Variants in TMEM260 observed in about 807,000 individuals in gnomAD.
TMEM260 encodes the protein transmembrane protein 260, also known as protein O-mannosyl-transferase TMEM260.
In TMEM260, 82 loss-of-function variants were observed where a neutral mutation model predicts 88.9. The observed-to-expected ratio is 0.92, with a 90% CI of 0.77 to 1.11. The LOEUF (loss-of-function observed/expected upper bound fraction) is 1.11, where lower values mean the gene tolerates loss of function less well. TMEM260 is among the 50% of genes least tolerant of loss of function. TMEM260 has a pLI of 0.00. For synonymous variants in TMEM260, 314 were observed against 309.3 expected, an observed-to-expected ratio of 1.02 and a Z score of -0.16; for missense variants, 902 against 853.4, an observed-to-expected ratio of 1.06 and a Z score of -0.71.
At chr14:56,617,095 A>C in intron 8 of TMEM260, 88 bp from the exon 9 acceptor site, 1 of 736,584 alleles carries the variant, frequency 1.4e-6, no homozygotes, top group Non-Finnish European at 2.0e-6. Context: ...GAAAGTTTTT[A>C]TAGATCTAAT....
At chr14:56,603,790 G>C in intron 3 of TMEM260, 25 bp from the exon 4 acceptor site, 1 of 1,613,234 alleles carries the variant, frequency 6.2e-7, no homozygotes, top group Non-Finnish European at 8.5e-7. Context: ...TGGAAAAGAA[G>C]ATTTCATGTT....
Position 56,603,917 on chromosome 14 carries a change from C to T in TMEM260, c.447C>T (p.Asn149=). 15 of 1,613,470 alleles carry T rather than the reference C, an allele frequency of 9.3e-6. No homozygotes were observed. Among genetic ancestry groups the T allele is most frequent in the Non-Finnish European group, 1.3e-5 (15 of 1,179,744 alleles). Residue 149 remains asparagine, a synonymous_variant, in exon 4 of 16, where the codon AAC becomes AAT. Coordinates refer to ENST00000261556, the MANE Select transcript of TMEM260 (RefSeq NM_017799.4). ...TTGCAGCAGAGGTTTTTAGCTTAAA[C>T]AATCTCTTTGTGGGGCTGCTTATGG... The part of the protein sequence containing the change: ...WSIAAEVFSL[N]NLFVGLLMAL...
intron 3 of TMEM260, among the ~76,000 whole-genome samples, chr14:56,586,830 A>C (rs1385580419): frequency 6.6e-6 from 1 of 152,014 alleles, no homozygotes; most frequent in South Asian, 2.1e-4. Context: ...TTATTTATAG[A>C]AAGATAAGAG....
chr14:56,611,087 C>T (rs987431273), intron 6 of TMEM260, among the ~76,000 whole-genome samples: 2 of 151,690 alleles, frequency 1.3e-5, no homozygotes, highest in Non-Finnish European at 2.9e-5. Context: ...CTGCCTCAGC[C>T]TCCTGAGTAG....
chr14:56,585,712 C>G (rs1456230960), intron 2 of TMEM260, 49 bp from the exon 3 acceptor site: 1 of 1,584,264 alleles, frequency 6.3e-7, no homozygotes, highest in African/African-American at 1.4e-5. Context: ...CTGTGGGACT[C>G]TTCCTTTCCT....
intron 15 of TMEM260, among the ~76,000 whole-genome samples, chr14:56,639,256 G>C (rs1889375181): frequency 6.9e-6 from 1 of 144,752 alleles, no homozygotes; most frequent in African/African-American, 2.7e-5. Context: ...CAGCCAACCA[G>C]GGTAACTACA....
downstream of TMEM260, among the ~76,000 whole-genome samples, chr14:56,652,100 A>G (rs1890217233): frequency 6.6e-6 from 1 of 152,204 alleles, no homozygotes; most frequent in Non-Finnish European, 1.5e-5. Context: ...TAAAACTGAA[A>G]GGGGAACACT....
the TMEM260 span, among the ~76,000 whole-genome samples, chr14:56,657,625 A>T: frequency 6.6e-6 from 1 of 152,228 alleles, no homozygotes; most frequent in African/African-American, 2.4e-5. Flanking sequence ...TTTGTTCACC[A>T]CTACTACATT....
chr14:56,639,534 A>G (rs560685583), intron 15 of TMEM260, among the ~76,000 whole-genome samples: 1 of 152,330 alleles, frequency 6.6e-6, no homozygotes, highest in East Asian at 1.9e-4. Context: ...AAGACAGCCA[A>G]ATAGGAACAG....
intron 7 of TMEM260, chr14:56,612,983 C>G: frequency 6.6e-6 from 1 of 152,036 alleles, no homozygotes; most frequent in East Asian, 1.9e-4. Flanking sequence ...TTAGGCTATC[C>G]TTGCCGTAAG....
chr14:56,581,144 A>G (rs930660941), intron 1 of TMEM260, among the ~76,000 whole-genome samples: 1 of 151,906 alleles, frequency 6.6e-6, no homozygotes, highest in East Asian at 1.9e-4. Flanking sequence ...GATGAAGGAC[A>G]CCTCTCTGTC....
At chr14:56,596,162 T>TA (rs1421035970) in intron 3 of TMEM260, among the ~76,000 whole-genome samples, 2 of 151,982 alleles carry the variant, frequency 1.3e-5, no homozygotes, top group Non-Finnish European at 2.9e-5. Flanking sequence ...TTTTGCAGTT[T>TA]AAAAAAATAT....
At chr14:56,583,991 TGTGTGTG>T (rs1394365769) in intron 1 of TMEM260, among the ~76,000 whole-genome samples, 1 of 6,294 alleles carries the variant, frequency 1.6e-4, no homozygotes, top group Non-Finnish European at 4.6e-4. Flanking sequence ...TCCAGCCTTT[TGTGTGTG>T]TGTGTGTGTG....
At chr14:56,613,937 C>G (rs1177326861) in intron 7 of TMEM260, 1 of 150,842 alleles carries the variant, frequency 6.6e-6, no homozygotes, top group African/African-American at 2.4e-5. Context: ...GCGTCTTGCC[C>G]TGTCACCCAG....
At chr14:56,616,866 T>G (rs1887624617) in intron 8 of TMEM260, among the ~76,000 whole-genome samples, 1 of 152,154 alleles carries the variant, frequency 6.6e-6, no homozygotes, top group South Asian at 2.1e-4. Context: ...TTCTTAAATC[T>G]TTATTATTTC....
At position 56,647,509 on chromosome 14, in the gene TMEM260, A is replaced by G. The variant is rs1487735472; in HGVS notation, c.*12A>G. 5.1e-6 allele frequency: 8 copies of G among 1,570,622 alleles called. No homozygotes were observed. Among genetic ancestry groups the G allele is most frequent in the Admixed American group, 2.0e-5 (1 of 49,934 alleles). ...GGAAAAATGTCTGAGACAGCAAAATATGAAAAACCTGCTCATCGTTCAGCT... is the reference window on the plus strand; with the variant it reads ...GGAAAAATGTCTGAGACAGCAAAATGTGAAAAACCTGCTCATCGTTCAGCT... On this transcript the variant is annotated 3_prime_UTR_variant, in exon 16 of 16. Coordinates refer to ENST00000261556, the MANE Select transcript of TMEM260 (RefSeq NM_017799.4).
intron 12 of TMEM260, among the ~76,000 whole-genome samples, chr14:56,628,355 G>A (rs576671832): frequency 2.8e-4 from 43 of 152,234 alleles, no homozygotes; most frequent in South Asian, 1.7e-3. Context: ...ATATTTTCTC[G>A]CAGTTGCTTG....
intron 12 of TMEM260, among the ~76,000 whole-genome samples, chr14:56,632,293 A>ATGCAT (rs1888668176): frequency 6.6e-6 from 1 of 152,142 alleles, no homozygotes; most frequent in Non-Finnish European, 1.5e-5. Flanking sequence ...CTGGAGCCAG[A>ATGCAT]CTGAAGGACA....
In TMEM260 at chr14:56,610,029, A is replaced by C. The variant is rs537224044; in HGVS notation, c.816+744A>C. On this transcript the variant is annotated intron_variant, in intron 6 of 15. Coordinates refer to ENST00000261556, the MANE Select transcript of TMEM260 (RefSeq NM_017799.4). ...TAATACCACTTATACAAAACTCTAA[A>C]CCATGAGAAACTAAACAATCTATTG... 2.0e-5 allele frequency among the ~76,000 whole-genome samples: 3 copies of C among 152,262 alleles called. No individual in the cohort carries two copies. In the East Asian group the frequency reaches 5.8e-4, roughly 29 times the overall value.
Sources: allele counts gnomAD v4.1 joint callset (sites outside exome capture counted in the v4.1 genomes callset), GRCh38; gene constraint gnomAD v4.1.1; transcripts MANE v1.5; gene names NCBI Gene and HGNC (gene_info 2026-07-23, HGNC 2026-07-21).